MACC1: variants seen among roughly 807,000 people sequenced by gnomAD.
MACC1 encodes metastasis-associated in colon cancer protein 1.
MACC1 carries 79 observed loss-of-function variants against 70.7 expected under a neutral mutation model. That is an observed-to-expected ratio of 1.12 (90% CI 0.93 to 1.35). The LOEUF (loss-of-function observed/expected upper bound fraction) is 1.35. MACC1 is among the 40% of genes most tolerant of loss of function. MACC1 has a pLI of 0.00. For synonymous variants in MACC1, 361 were observed against 347.2 expected (o/e 1.04, Z -0.44); for missense variants, 1,106 against 978.1 (o/e 1.13, Z -1.74).
intron 1 of MACC1, among the ~76,000 whole-genome samples, chr7:20,171,037 G>A (rs528069307): frequency 1.3e-5 from 2 of 152,236 alleles, no homozygotes; most frequent in East Asian, 1.9e-4. Flanking sequence ...TAAACAGAAC[G>A]GTGTGCAACA....
chr7:20,143,145 A>G (rs1781831656), intron 6 of MACC1, among the ~76,000 whole-genome samples: 1 of 152,210 alleles, frequency 6.6e-6, no homozygotes, highest in Non-Finnish European at 1.5e-5. Flanking sequence ...CATGGGAAGA[A>G]AAGCTCTGTA....
intron 1 of MACC1, among the ~76,000 whole-genome samples, chr7:20,212,959 C>T (rs1470434341): frequency 1.3e-5 from 2 of 152,108 alleles, no homozygotes; most frequent in Non-Finnish European, 2.9e-5. Flanking sequence ...GAAATGAGAT[C>T]AGGGACTGGC....
intron 2 of MACC1, among the ~76,000 whole-genome samples, chr7:20,165,534 G>GC (rs1362769999): frequency 1.2e-5 from 1 of 86,368 alleles, no homozygotes; most frequent in East Asian, 9.6e-4. Context: ...AGGTGGTATA[G>GC]GGGAAAAAAA....
At chr7:20,187,529 T>G (rs1330042125) in intron 1 of MACC1, among the ~76,000 whole-genome samples, 1 of 152,132 alleles carries the variant, frequency 6.6e-6, no homozygotes, top group Non-Finnish European at 1.5e-5. Flanking sequence ...ACAGTCAGAG[T>G]GACCTTCGTG....
At position 20,158,778 on chromosome 7, in the gene MACC1, T is replaced by A; in HGVS notation, c.1583A>T (p.Lys528Met). 5.6e-6 allele frequency: 9 copies of A among 1,614,142 alleles called. No homozygotes were observed. The highest frequency in any genetic ancestry group is 7.6e-6 in the Non-Finnish European group (9 of 1,180,022). Residue 528 changes from lysine (K) to methionine (M), a missense_variant, in exon 5 of 7, where the codon AAG (lysine) becomes ATG (methionine). Physicochemically the swap from Lys to Met is moderately conservative, Grantham distance 95. Transcript: ENST00000400331. ...PGYLQKKEEI[K>M]SAPLSPKILV... is the part of the protein sequence containing the mutation. ...AATTTTTGGTGATAAAGGAGCAGAC[T>A]TGATTTCCTCCTTCTTCTGCAAATA... is the stretch of plus-strand genomic sequence containing the variant.
intron 1 of MACC1, among the ~76,000 whole-genome samples, chr7:20,173,289 T>C (rs1782339851): frequency 6.6e-6 from 1 of 152,246 alleles, no homozygotes. Flanking sequence ...TGCCCATCCT[T>C]ACCCTGGCAC....
chr7:20,206,379 G>T (rs1442786766), intron 1 of MACC1, among the ~76,000 whole-genome samples: 3 of 152,040 alleles, frequency 2.0e-5, no homozygotes, highest in African/African-American at 4.8e-5. Flanking sequence ...ATTTGGCATT[G>T]CTGTGACATG....
intron 1 of MACC1, among the ~76,000 whole-genome samples, chr7:20,173,087 T>C (rs1250575331): frequency 6.6e-6 from 1 of 152,216 alleles, no homozygotes; most frequent in East Asian, 1.9e-4. Context: ...GAGCTATTTT[T>C]AAAAATACAG....
At chr7:20,201,370 G>T (rs2128108294) in intron 1 of MACC1, among the ~76,000 whole-genome samples, 1 of 152,262 alleles carries the variant, frequency 6.6e-6, no homozygotes, top group African/African-American at 2.4e-5. Flanking sequence ...AAAGGAAAAT[G>T]ATCCACAATG....
At chr7:20,150,881 C>CTAAATACAAAAA (rs1244702204) in intron 6 of MACC1, among the ~76,000 whole-genome samples, 1 of 152,014 alleles carries the variant, frequency 6.6e-6, no homozygotes, top group East Asian at 1.9e-4. Flanking sequence ...ACACCCATCT[C>CTAAATACAAAAA]TACTAAAAAT....
At chr7:20,154,053 G>T in intron 6 of MACC1, 140 bp downstream of exon 6, 2 of 764,768 alleles carry the variant, frequency 2.6e-6, no homozygotes, top group Non-Finnish European at 4.3e-6. Flanking sequence ...GTACTGATGA[G>T]TTACTAGTGC....
chr7:20,137,354 C>T lies in MACC1; in HGVS notation c.*3592G>A, dbSNP rs1781732265. On this transcript the variant is annotated 3_prime_UTR_variant, in exon 7 of 7. Coordinates refer to ENST00000400331, the MANE Select transcript of MACC1 (RefSeq NM_182762.4). ...AACTGAGAACTTTATATAGTATGTT[C>T]TACATTACAGGCCATGAAAATGTGC... 6.6e-6 allele frequency: 1 copy of T among 152,142 alleles called. No homozygotes were observed. The highest frequency in any genetic ancestry group is 6.5e-5 in the Admixed American group (1 of 15,268). The allele number at this position is 152,142 out of a possible 1,614,324, so 9.4% of individuals were successfully genotyped here.
intron 1 of MACC1, among the ~76,000 whole-genome samples, chr7:20,200,206 C>T (rs945378776): frequency 2.0e-5 from 3 of 151,520 alleles, no homozygotes; most frequent in South Asian, 2.1e-4. Context: ...TGAAAAAACA[C>T]GAAGAATCTT....
intron 2 of MACC1, among the ~76,000 whole-genome samples, chr7:20,168,168 G>A (rs1015919752): frequency 3.3e-5 from 5 of 151,940 alleles, no homozygotes; most frequent in Non-Finnish European, 7.4e-5. Context: ...CAACACACAT[G>A]CACTTCCTTG....
chr7:20,180,253 G>T (rs1189954034), intron 1 of MACC1, among the ~76,000 whole-genome samples: 1 of 150,756 alleles, frequency 6.6e-6, no homozygotes, highest in Non-Finnish European at 1.5e-5. Flanking sequence ...GACCATCCTG[G>T]CCAACACGGT....
At chr7:20,145,929 G>A (rs1394582436) in intron 6 of MACC1, among the ~76,000 whole-genome samples, 1 of 152,160 alleles carries the variant, frequency 6.6e-6, no homozygotes, top group Non-Finnish European at 1.5e-5. Flanking sequence ...TTGGGAGGCT[G>A]AGGTGGGTGG....
intron 1 of MACC1, among the ~76,000 whole-genome samples, chr7:20,216,464 T>C (rs541486328): frequency 5.1e-4 from 78 of 152,236 alleles, no homozygotes; most frequent in Middle Eastern, 6.8e-3. Flanking sequence ...AGTGTTTTCA[T>C]CTTGTAAACT....
intron 5 of MACC1, among the ~76,000 whole-genome samples, chr7:20,157,353 T>C (rs1782069620): frequency 6.6e-6 from 1 of 152,150 alleles, no homozygotes; most frequent in Non-Finnish European, 1.5e-5. Context: ...GGTTGAATAC[T>C]ACACTAAAGA....
intron 1 of MACC1, among the ~76,000 whole-genome samples, chr7:20,186,450 A>C (rs918499797): frequency 6.6e-5 from 10 of 152,220 alleles, no homozygotes; most frequent in African/African-American, 2.2e-4. Context: ...GGCTTTTGTC[A>C]TAATAGGGCA....
Sources: gnomAD v4.1 joint callset for allele counts (sites outside exome capture counted in the v4.1 genomes callset) on GRCh38, gnomAD v4.1.1 for gene constraint, MANE v1.5 for transcripts, NCBI Gene and HGNC (gene_info 2026-07-23, HGNC 2026-07-21) for gene names.